DCC: variants seen among roughly 807,000 people sequenced by gnomAD.
DCC encodes the protein DCC netrin 1 receptor, also known as netrin receptor DCC.
In DCC, 58 loss-of-function variants were observed where a neutral mutation model predicts 172.5. That is an observed-to-expected ratio of 0.34 (90% CI 0.27 to 0.42). The LOEUF (loss-of-function observed/expected upper bound fraction) is 0.42, where lower values mean the gene tolerates loss of function less well. Ranked by LOEUF, DCC falls within the 10% of genes least tolerant of loss-of-function variation. DCC has a pLI of 1.00. For missense variants in DCC, 1,740 were observed against 1,791.0 expected (o/e 0.97, Z 0.51); for synonymous variants, 709 against 644.5 (o/e 1.10, Z -1.52).
chr18:53,351,466 G>GTGTATATA (rs1568075540), intron 15 of DCC, among the ~76,000 whole-genome samples: 9 of 37,310 alleles, frequency 2.4e-4, no homozygotes, highest in African/African-American at 9.3e-4. Flanking sequence ...TACACAGTGT[G>GTGTATATA]TATATATATA....
At chr18:53,161,022 A>C (rs2054830357) in intron 8 of DCC, among the ~76,000 whole-genome samples, 1 of 152,186 alleles carries the variant, frequency 6.6e-6, no homozygotes, top group Non-Finnish European at 1.5e-5. Context: ...TTCTCCCACT[A>C]AGGTGAATTA....
chr18:53,302,392 C>G (rs2057152172), intron 12 of DCC, among the ~76,000 whole-genome samples: 1 of 152,192 alleles, frequency 6.6e-6, no homozygotes, highest in Non-Finnish European at 1.5e-5. Context: ...TTAGACTATT[C>G]TGACTTCGAA....
chr18:52,468,301 C>T (rs1988846420), intron 1 of DCC, among the ~76,000 whole-genome samples: 1 of 152,136 alleles, frequency 6.6e-6, no homozygotes, highest in Non-Finnish European at 1.5e-5. Context: ...GATGTAGTAA[C>T]CACAAAAAAT....
chr18:52,758,172 A>G (rs8082904), intron 2 of DCC, among the ~76,000 whole-genome samples: 4,669 of 152,314 alleles, frequency 0.031, 281 homozygotes, highest in African/African-American at 0.11. Context: ...TATACATTCA[A>G]TAGTGACACA....
chr18:53,287,669 T>C (rs1224317089), intron 12 of DCC, among the ~76,000 whole-genome samples: 5 of 152,192 alleles, frequency 3.3e-5, no homozygotes, highest in African/African-American at 1.2e-4. Context: ...CTTGCCAATA[T>C]TGTTATTATG....
At chr18:53,069,486 C>T (rs981352958) in intron 7 of DCC, among the ~76,000 whole-genome samples, 2 of 152,052 alleles carry the variant, frequency 1.3e-5, no homozygotes, top group African/African-American at 2.4e-5. Flanking sequence ...AGAGTGATGG[C>T]GCCTGGATGG....
At chr18:52,366,848 G>A (rs977127027) in intron 1 of DCC, among the ~76,000 whole-genome samples, 7 of 152,244 alleles carry the variant, frequency 4.6e-5, no homozygotes, top group Non-Finnish European at 7.3e-5. Context: ...TCACCCAGTG[G>A]ATCCCGCACC....
At chr18:53,063,898 A>T (rs1168400960) in intron 6 of DCC, among the ~76,000 whole-genome samples, 3 of 152,150 alleles carry the variant, frequency 2.0e-5, no homozygotes. Context: ...GGTAATACAG[A>T]CAGCTTTTTT....
intron 1 of DCC, among the ~76,000 whole-genome samples, chr18:52,738,004 G>A (rs1443041962): frequency 6.6e-6 from 1 of 152,034 alleles, no homozygotes; most frequent in Non-Finnish European, 1.5e-5. Flanking sequence ...GCCTGTTTTT[G>A]TAATAACGGT....
intron 5 of DCC, among the ~76,000 whole-genome samples, chr18:53,033,151 A>G (rs2143966921): frequency 6.6e-6 from 1 of 152,234 alleles, no homozygotes; most frequent in African/African-American, 2.4e-5. Context: ...TGGGTGAGGC[A>G]GACTTCAGTT....
At chr18:53,285,123 G>A (rs757221921) in intron 12 of DCC, among the ~76,000 whole-genome samples, 11 of 152,100 alleles carry the variant, frequency 7.2e-5, no homozygotes, top group African/African-American at 1.2e-4. Context: ...AAAAAAATCC[G>A]ATTTTCTGAG....
chr18:53,438,199 C>A (rs1010704287), intron 22 of DCC, among the ~76,000 whole-genome samples: 1 of 151,784 alleles, frequency 6.6e-6, no homozygotes, highest in African/African-American at 2.4e-5. Flanking sequence ...TATACTGGTA[C>A]GGGACAGTAC....
At chr18:52,647,703 G>T (rs926286849) in intron 1 of DCC, among the ~76,000 whole-genome samples, 8 of 152,188 alleles carry the variant, frequency 5.3e-5, no homozygotes, top group African/African-American at 1.9e-4. Flanking sequence ...TGTTTTTCAG[G>T]TGTTGTCAGT....
At chr18:53,406,920 G>T (rs1400031904) in intron 19 of DCC, among the ~76,000 whole-genome samples, 1 of 151,868 alleles carries the variant, frequency 6.6e-6, no homozygotes, top group African/African-American at 2.4e-5. Context: ...GAATGATGAG[G>T]TCTGTTTCTA....
chr18:52,489,010 T>C (rs545046329), intron 1 of DCC, among the ~76,000 whole-genome samples: 2 of 152,188 alleles, frequency 1.3e-5, no homozygotes, highest in East Asian at 3.9e-4. Flanking sequence ...ATGGTCCTTG[T>C]GGTATCATGA....
chr18:53,055,000 ATGT>A (rs968278618), intron 5 of DCC, among the ~76,000 whole-genome samples: 5 of 152,096 alleles, frequency 3.3e-5, no homozygotes, highest in African/African-American at 1.2e-4. Flanking sequence ...TATATCTTAA[ATGT>A]TGTTCCCCGC....
intron 2 of DCC, among the ~76,000 whole-genome samples, chr18:52,768,463 T>C (rs1322866570): frequency 6.6e-6 from 1 of 152,178 alleles, no homozygotes; most frequent in African/African-American, 2.4e-5. Flanking sequence ...AGAGCTTCTG[T>C]AGAAAGCAAA....
rs980843138 is a variant in DCC, at chr18:52,828,023, A to T, written c.412+75649A>T. Among the ~76,000 whole-genome samples, 14 of 152,180 alleles carry T rather than the reference A, an allele frequency of 9.2e-5. No homozygotes were observed. The South Asian group carries it at 1.7e-3, about 18-fold the overall frequency. On this transcript the variant is annotated intron_variant, in intron 2 of 28. Coordinates refer to ENST00000442544, the MANE Select transcript of DCC (RefSeq NM_005215.4). Reference sequence around the variant, plus strand: ...CATTTCCACTTTACACAGAGGTCACACAAATTAGGTAGCCTGTCCTGTGTC... The same window carrying T: ...CATTTCCACTTTACACAGAGGTCACTCAAATTAGGTAGCCTGTCCTGTGTC...
intron 1 of DCC, among the ~76,000 whole-genome samples, chr18:52,530,114 AG>A (rs751667240): frequency 5.9e-5 from 9 of 152,188 alleles, no homozygotes; most frequent in Non-Finnish European, 1.0e-4. Context: ...AAAATAATAT[AG>A]TATGTGTTCA....
Sources: allele counts gnomAD v4.1 joint callset (sites outside exome capture counted in the v4.1 genomes callset), GRCh38; gene constraint gnomAD v4.1.1; transcripts MANE v1.5; gene names NCBI Gene and HGNC (gene_info 2026-07-23, HGNC 2026-07-21).